Variants in NTM observed in about 807,000 individuals in gnomAD.
The protein encoded by NTM is IgLON family member 2.
NTM carries 13 observed loss-of-function variants against 42.1 expected under a neutral mutation model. That is an observed-to-expected ratio of 0.31 (90% CI 0.20 to 0.49). The LOEUF (loss-of-function observed/expected upper bound fraction) is 0.49, where lower values mean the gene tolerates loss of function less well. NTM is among the 20% of genes least tolerant of loss of function. The probability of loss-of-function intolerance (pLI) is 0.99; values close to 1 mark genes in which losing one functional copy is unlikely to be tolerated. For synonymous variants in NTM, 187 were observed against 179.2 expected (o/e 1.04, Z -0.35); for missense variants, 373 against 452.8 (o/e 0.82, Z 1.60).
intron 2 of NTM, among the ~76,000 whole-genome samples, chr11:132,093,307 G>A (rs945127333): frequency 6.6e-6 from 1 of 152,028 alleles, no homozygotes; most frequent in African/African-American, 2.4e-5. Context: ...TGTTTCCTCT[G>A]CCTGGTCTGT....
chr11:131,875,821 T>A (rs150355468), intron 1 of NTM, among the ~76,000 whole-genome samples: 101 of 152,258 alleles, frequency 6.6e-4, no homozygotes, highest in African/African-American at 2.2e-3. Context: ...CATGTCTTTG[T>A]CCTTTGTTTA....
chr11:131,446,803 CT>C (rs1221137017), intron 1 of NTM, among the ~76,000 whole-genome samples: 2 of 152,192 alleles, frequency 1.3e-5, no homozygotes, highest in Non-Finnish European at 2.9e-5. Context: ...ACTTATAATG[CT>C]CAGCATACTT....
intron 1 of NTM, among the ~76,000 whole-genome samples, chr11:131,541,835 A>G (rs771982564): frequency 6.6e-6 from 1 of 152,230 alleles, no homozygotes; most frequent in Non-Finnish European, 1.5e-5. Flanking sequence ...CTAGTTGCTC[A>G]ATTAGCGTCA....
chr11:131,991,074 T>C (rs2066931056), intron 2 of NTM, among the ~76,000 whole-genome samples: 1 of 152,212 alleles, frequency 6.6e-6, no homozygotes, highest in South Asian at 2.1e-4. Flanking sequence ...TACTATACAT[T>C]AAGCACTGTA....
chr11:131,770,562 T>G (rs1013508399), intron 1 of NTM, among the ~76,000 whole-genome samples: 3 of 152,208 alleles, frequency 2.0e-5, no homozygotes, highest in African/African-American at 7.2e-5. Flanking sequence ...GAGCCTTGCC[T>G]TCACTGAGTT....
At chr11:131,392,634 G>A (rs952179732) in intron 1 of NTM, among the ~76,000 whole-genome samples, 3 of 152,172 alleles carry the variant, frequency 2.0e-5, no homozygotes, top group African/African-American at 7.2e-5. Flanking sequence ...AGGAGGAGTT[G>A]ATGGGCACCT....
At chr11:131,436,377 C>T (rs1041960855) in intron 1 of NTM, among the ~76,000 whole-genome samples, 1 of 152,118 alleles carries the variant, frequency 6.6e-6, no homozygotes, top group Admixed American at 6.5e-5. Context: ...CCTTTTTGTA[C>T]CTCCGGTAGG....
intron 4 of NTM, 61 bp downstream of exon 4, chr11:132,212,208 G>A (rs1851887343): frequency 2.7e-6 from 4 of 1,471,988 alleles, no homozygotes; most frequent in African/African-American, 2.8e-5. Context: ...TGGGCCTTTG[G>A]TAGGAGGTTA....
chr11:131,915,707 C>T (rs1338648716), intron 2 of NTM, among the ~76,000 whole-genome samples: 6 of 152,080 alleles, frequency 3.9e-5, no homozygotes, highest in South Asian at 4.2e-4. Flanking sequence ...GGGGAGGCCT[C>T]ACAATCATGG....
At chr11:132,040,485 A>G (rs573173596) in intron 2 of NTM, among the ~76,000 whole-genome samples, 1 of 152,322 alleles carries the variant, frequency 6.6e-6, no homozygotes, top group South Asian at 2.1e-4. Flanking sequence ...ACCTGAAGGC[A>G]TTTCTTATTT....
chr11:131,618,636 C>T (rs1046998261), intron 1 of NTM, among the ~76,000 whole-genome samples: 1 of 152,162 alleles, frequency 6.6e-6, no homozygotes, highest in Non-Finnish European at 1.5e-5. Flanking sequence ...TTTAAAACCT[C>T]CCCTATGCTC....
chr11:132,035,068 C>T (rs974523896), intron 2 of NTM, among the ~76,000 whole-genome samples: 1 of 152,120 alleles, frequency 6.6e-6, no homozygotes, highest in African/African-American at 2.4e-5. Flanking sequence ...CTGTTGTTTG[C>T]TTTGAGTAAC....
At chr11:131,603,434 T>C (rs1039144513) in intron 1 of NTM, among the ~76,000 whole-genome samples, 17 of 152,148 alleles carry the variant, frequency 1.1e-4, no homozygotes, top group African/African-American at 4.1e-4. Flanking sequence ...TGTTGGTCCA[T>C]GGACTATAGT....
At chr11:131,740,862 C>A (rs530850343) in intron 1 of NTM, among the ~76,000 whole-genome samples, 1 of 152,284 alleles carries the variant, frequency 6.6e-6, no homozygotes, top group East Asian at 1.9e-4. Context: ...TGATCATTTC[C>A]TTGGACTTTA....
Position 132,018,445 on chromosome 11 carries a change from G to A in NTM, c.167+106797G>A, listed in dbSNP as rs1346314935. On this transcript the variant is annotated intron_variant, in intron 2 of 8. Transcript: ENST00000683400. ...ATTGTTCATTTTAAATCATGAATGT[G>A]TGCTAAATTTTTAAAAATGTTTTTC... Among the ~76,000 whole-genome samples the A allele has an allele frequency of 3.3e-5, 5 of 152,056 alleles. No individual in the cohort carries two copies. The South Asian group carries it at 6.2e-4, about 19-fold the overall frequency.
intron 2 of NTM, among the ~76,000 whole-genome samples, chr11:131,993,567 C>A (rs1447159025): frequency 6.6e-6 from 1 of 152,088 alleles, no homozygotes; most frequent in Non-Finnish European, 1.5e-5. Flanking sequence ...CTTTTGTAAT[C>A]ATTGTTTGCA....
chr11:132,286,030 C>G (rs2094216654), intron 4 of NTM, among the ~76,000 whole-genome samples: 1 of 152,210 alleles, frequency 6.6e-6, no homozygotes. Context: ...AGACCTATCA[C>G]CCCAAGCACT....
intron 1 of NTM, among the ~76,000 whole-genome samples, chr11:131,786,376 G>A (rs936311284): frequency 3.3e-5 from 5 of 152,286 alleles, no homozygotes; most frequent in Non-Finnish European, 7.4e-5. Context: ...CCATGTTTAC[G>A]CTCATGAATG....
At chr11:131,865,392 T>G (rs544473) in intron 1 of NTM, among the ~76,000 whole-genome samples, 2 of 152,072 alleles carry the variant, frequency 1.3e-5, no homozygotes, top group Non-Finnish European at 2.9e-5. Context: ...CCCCTGAATG[T>G]GTTGTATTTA....
Sources: allele counts gnomAD v4.1 joint callset (sites outside exome capture counted in the v4.1 genomes callset), GRCh38; gene constraint gnomAD v4.1.1; transcripts MANE v1.5; gene names NCBI Gene and HGNC (gene_info 2026-07-23, HGNC 2026-07-21).